PLAT: variants seen among roughly 807,000 people sequenced by gnomAD.
PLAT encodes tissue-type plasminogen activator.
PLAT carries 48 observed loss-of-function variants against 74.9 expected under a neutral mutation model. The ratio of observed to expected loss-of-function variants is 0.64; its 90% CI spans 0.51 to 0.82. The LOEUF is 0.82. PLAT is among the 40% of genes least tolerant of loss of function. PLAT has a pLI of 0.00. For missense variants in PLAT, 673 were observed against 736.2 expected (o/e 0.91, Z 0.99); for synonymous variants, 307 against 294.4 (o/e 1.04, Z -0.44).
chr8:42,200,954 C>T (rs1357445440), intron 1 of PLAT, among the ~76,000 whole-genome samples: 6 of 152,148 alleles, frequency 3.9e-5, no homozygotes, highest in Non-Finnish European at 8.8e-5. Context: ...TTCAGCCTCC[C>T]GAGTAGCTCG....
chr8:42,200,648 G>A (rs1453552088), intron 1 of PLAT, among the ~76,000 whole-genome samples: 2 of 136,122 alleles, frequency 1.5e-5, no homozygotes, highest in African/African-American at 5.6e-5. Flanking sequence ...CTGCACTCCA[G>A]CTTGAGACAG....
intron 3 of PLAT, among the ~76,000 whole-genome samples, chr8:42,189,371 A>G (rs1359682175): frequency 1.3e-5 from 2 of 151,494 alleles, no homozygotes; most frequent in African/African-American, 4.8e-5. Context: ...TACAAAAATG[A>G]GCCAGGCATG....
intron 2 of PLAT, 64 bp from the exon 3 acceptor site, chr8:42,191,478 G>T: frequency 6.6e-7 from 1 of 1,508,976 alleles, no homozygotes; most frequent in Non-Finnish European, 9.2e-7. Context: ...AGTAAAGGCG[G>T]CCAACCCAGA....
intron 1 of PLAT, among the ~76,000 whole-genome samples, chr8:42,204,230 TG>T (rs1416441328): frequency 6.6e-6 from 1 of 152,020 alleles, no homozygotes; most frequent in Admixed American, 6.6e-5. Context: ...CATATGGTTT[TG>T]TGAGCTGCTT....
chr8:42,189,223 G>T, intron 3 of PLAT, 152 bp from the exon 4 acceptor site: 1 of 777,558 alleles, frequency 1.3e-6, no homozygotes, highest in Non-Finnish European at 2.1e-6. Context: ...AAGACAACAA[G>T]ATAATGAATA....
chr8:42,175,796 T>C lies in PLAT; in HGVS notation c.*197A>G. ...TCCCATCTGACAGAGTATCCTGAAA[T>C]CAGACCAAGTCCTGAAAACTTCCAA... On this transcript the variant is annotated 3_prime_UTR_variant, in exon 14 of 14. Coordinates refer to ENST00000220809, the MANE Select transcript of PLAT (RefSeq NM_000930.5). 1 of 555,534 alleles carries C rather than the reference T, an allele frequency of 1.8e-6. No individual in the cohort carries two copies. Among genetic ancestry groups the C allele is most frequent in the South Asian group, 2.4e-5 (1 of 41,204 alleles). The allele number at this position is 555,534 out of a possible 1,614,324, so 34.4% of individuals were successfully genotyped here.
At chr8:42,182,302 A>G (rs938014527) in intron 8 of PLAT, 19 of 379,840 alleles carry the variant, frequency 5.0e-5, no homozygotes, top group Admixed American at 1.2e-4. Context: ...GAGGGAGGAC[A>G]CCGAGTTCAT....
At chr8:42,201,370 C>T (rs779914573) in intron 1 of PLAT, among the ~76,000 whole-genome samples, 3 of 152,172 alleles carry the variant, frequency 2.0e-5, no homozygotes, top group East Asian at 1.9e-4. Flanking sequence ...CCTGGGTGCA[C>T]GGCAGGAGCG....
chr8:42,192,854 G>A (rs955123606), intron 2 of PLAT, among the ~76,000 whole-genome samples: 3 of 152,236 alleles, frequency 2.0e-5, no homozygotes, highest in Non-Finnish European at 4.4e-5. Flanking sequence ...CACAGGCAGG[G>A]AGTGGCATGT....
chr8:42,203,992 T>TATATATATAC (rs1554499838), intron 1 of PLAT, among the ~76,000 whole-genome samples: 1 of 109,894 alleles, frequency 9.1e-6, no homozygotes, highest in African/African-American at 5.2e-5. Context: ...TATATATATA[T>TATATATATAC]ACACACACAC....
At chr8:42,179,903 G>A (rs1726619696) in intron 12 of PLAT, 23 bp downstream of exon 12, 3 of 1,558,540 alleles carry the variant, frequency 1.9e-6, no homozygotes, top group African/African-American at 2.7e-5. Flanking sequence ...GACAGGATGG[G>A]GCCGAGACTT....
rs745687210 is a variant in PLAT, at chr8:42,175,983, G to A, written c.*10C>T. ...ATCTCATTTGCTTTTGAGGAGTCGG[G>A]TGTTCCTGGTCACGGTCGCATGTTG... On this transcript the variant is annotated 3_prime_UTR_variant, in exon 14 of 14. Transcript: ENST00000220809. 6.2e-7 allele frequency: 1 copy of A among 1,613,800 alleles called. No homozygotes were observed. The highest frequency in any genetic ancestry group is 1.1e-5 in the South Asian group (1 of 91,072).
intron 1 of PLAT, among the ~76,000 whole-genome samples, chr8:42,194,794 A>ACCCCCCCCCCCC (rs8178720): frequency 2.5e-5 from 3 of 121,820 alleles, no homozygotes; most frequent in Admixed American, 7.9e-5. Flanking sequence ...CTCCACGCCC[A>ACCCCCCCCCCCC]CCCCCCCCAC....
At chr8:42,206,716 T>G (rs1348483915) in intron 1 of PLAT, 2 of 152,098 alleles carry the variant, frequency 1.3e-5, no homozygotes, top group African/African-American at 4.8e-5. Flanking sequence ...GTTAAGAAAA[T>G]AAAGATAATA....
intron 7 of PLAT, among the ~76,000 whole-genome samples, chr8:42,184,141 T>C (rs905627841): frequency 2.6e-5 from 4 of 151,974 alleles, no homozygotes; most frequent in African/African-American, 2.4e-5. Context: ...GAGTCTCACT[T>C]TGTTGCCCAG....
chr8:42,187,287 A>C (rs1208239031), intron 6 of PLAT, 111 bp downstream of exon 6: 1 of 832,868 alleles, frequency 1.2e-6, no homozygotes, highest in Non-Finnish European at 1.8e-6. Context: ...CCATCTATCC[A>C]TCCTGTATTG....
intron 1 of PLAT, among the ~76,000 whole-genome samples, chr8:42,200,734 T>C (rs1409024657): frequency 1.3e-5 from 2 of 149,068 alleles, no homozygotes; most frequent in South Asian, 2.1e-4. Context: ...CTTGTGAGAG[T>C]TGGCATCAGG....
intron 1 of PLAT, among the ~76,000 whole-genome samples, chr8:42,205,782 G>A (rs1046388925): frequency 6.6e-6 from 1 of 152,114 alleles, no homozygotes; most frequent in Non-Finnish European, 1.5e-5. Context: ...CCATACCTTG[G>A]CCACCTTGGA....
At chr8:42,190,711 G>C (rs1237000199) in intron 3 of PLAT, among the ~76,000 whole-genome samples, 1 of 152,170 alleles carries the variant, frequency 6.6e-6, no homozygotes, top group East Asian at 1.9e-4. Context: ...GAACTGGGTC[G>C]TGAAGGAGGG....
Sources: gnomAD v4.1 joint callset for allele counts (sites outside exome capture counted in the v4.1 genomes callset) on GRCh38, gnomAD v4.1.1 for gene constraint, MANE v1.5 for transcripts, NCBI Gene and HGNC (gene_info 2026-07-23, HGNC 2026-07-21) for gene names.